UBR3: variants seen among roughly 807,000 people sequenced by gnomAD.
UBR3 encodes the protein E3 ubiquitin-protein ligase UBR3.
A neutral mutation model predicts 243.2 loss-of-function variants in UBR3; 85 were observed. That is an observed-to-expected ratio of 0.35 (90% CI 0.29 to 0.42). The LOEUF (loss-of-function observed/expected upper bound fraction) is 0.42. Ranked by LOEUF, UBR3 falls within the 10% of genes least tolerant of loss-of-function variation. UBR3 has a pLI of 1.00. For synonymous variants in UBR3, 748 were observed against 799.8 expected (o/e 0.94, Z 1.09); for missense variants, 1,686 against 2,300.8 (o/e 0.73, Z 5.47).
intron 1 of UBR3, among the ~76,000 whole-genome samples, chr2:169,855,558 G>A (rs1215343366): frequency 6.6e-6 from 1 of 151,968 alleles, no homozygotes; most frequent in Non-Finnish European, 1.5e-5. Flanking sequence ...GACTCTTAAC[G>A]AGCATGCTGC....
At chr2:169,946,864 G>A (rs1274804856) in intron 21 of UBR3, among the ~76,000 whole-genome samples, 2 of 152,024 alleles carry the variant, frequency 1.3e-5, no homozygotes, top group Non-Finnish European at 2.9e-5. Context: ...TTCCTGTAAA[G>A]GTTTGAAGGT....
intron 26 of UBR3, among the ~76,000 whole-genome samples, chr2:169,998,689 T>C (rs2089585339): frequency 1.3e-5 from 2 of 152,226 alleles, no homozygotes; most frequent in Admixed American, 1.3e-4. Context: ...AGGATTAAAC[T>C]GTAGATTCTA....
intron 24 of UBR3, among the ~76,000 whole-genome samples, chr2:169,981,018 G>T (rs1403171018): frequency 6.6e-6 from 1 of 151,938 alleles, no homozygotes; most frequent in Non-Finnish European, 1.5e-5. Flanking sequence ...GTTTCCAGTG[G>T]CCAAAGCTGG....
At chr2:169,856,919 T>C (rs1574058385) in intron 1 of UBR3, among the ~76,000 whole-genome samples, 2 of 152,208 alleles carry the variant, frequency 1.3e-5, no homozygotes, top group South Asian at 2.1e-4. Flanking sequence ...TTTGCAAATA[T>C]GATAGGTAGA....
At chr2:170,017,698 A>C (rs1002415627) in intron 30 of UBR3, among the ~76,000 whole-genome samples, 22 of 152,154 alleles carry the variant, frequency 1.4e-4, no homozygotes, top group Non-Finnish European at 3.2e-4. Flanking sequence ...CTACATCTTC[A>C]AACATTTTTA....
At chr2:170,078,343 C>T (rs2091852540) in intron 36 of UBR3, 2 of 262,300 alleles carry the variant, frequency 7.6e-6, no homozygotes, top group Non-Finnish European at 7.3e-6. Context: ...ATTTTTGGGT[C>T]TCAGAGACCC....
rs934686605 is a variant in UBR3 at position 169,861,249 on chromosome 2, A to G, written c.546-10987A>G. Among the ~76,000 whole-genome samples, 5 of 152,224 alleles carry G rather than the reference A, an allele frequency of 3.3e-5. No homozygotes were observed. The East Asian group carries it at 5.8e-4, about 18-fold the overall frequency. ...TCGTATCCAATCAAGTTGACAGTCA[A>G]TATTAACCATCACAAACTCTTTGAC... On this transcript the variant is annotated intron_variant, in intron 1 of 38. Coordinates refer to ENST00000272793, the MANE Select transcript of UBR3 (RefSeq NM_172070.4).
chr2:169,921,110 G>A (rs1882376), intron 11 of UBR3, among the ~76,000 whole-genome samples: 64,390 of 152,034 alleles, frequency 0.42, 15,234 homozygotes, highest in Non-Finnish European at 0.54. Context: ...GTGAGAAGGA[G>A]GAAGTCTACA....
intron 8 of UBR3, among the ~76,000 whole-genome samples, chr2:169,900,318 C>T (rs1259495782): frequency 2.0e-5 from 3 of 152,152 alleles, no homozygotes; most frequent in Non-Finnish European, 4.4e-5. Flanking sequence ...CTGTTCATGT[C>T]CTTCACCCAC....
At chr2:170,033,777 T>C (rs1392609107) in intron 31 of UBR3, among the ~76,000 whole-genome samples, 1 of 151,746 alleles carries the variant, frequency 6.6e-6, no homozygotes, top group Non-Finnish European at 1.5e-5. Flanking sequence ...TTTTCATATA[T>C]ACTTTTTTCT....
chr2:169,842,344 A>G (rs1273689131), intron 1 of UBR3, among the ~76,000 whole-genome samples: 1 of 152,150 alleles, frequency 6.6e-6, no homozygotes, highest in African/African-American at 2.4e-5. Flanking sequence ...AAACGCACCA[A>G]TCAGCGCCCT....
At chr2:170,027,179 AAATTT>A (rs1234533513) in intron 30 of UBR3, among the ~76,000 whole-genome samples, 1 of 151,740 alleles carries the variant, frequency 6.6e-6, no homozygotes, top group African/African-American at 2.4e-5. Flanking sequence ...TGGCAATATT[AAATTT>A]ATTTCATATT....
intron 31 of UBR3, among the ~76,000 whole-genome samples, chr2:170,040,669 T>G (rs2090945067): frequency 6.6e-6 from 1 of 152,316 alleles, no homozygotes; most frequent in East Asian, 1.9e-4. Context: ...ACAACACATT[T>G]TCTATACATT....
chr2:169,832,069 C>G (rs2081958114), intron 1 of UBR3, among the ~76,000 whole-genome samples: 1 of 152,170 alleles, frequency 6.6e-6, no homozygotes, highest in African/African-American at 2.4e-5. Flanking sequence ...GAATCTATCA[C>G]AGCTGTATTT....
rs767026112 is a variant in UBR3, at chr2:170,081,880, G to A, written c.*37G>A. 12 of 1,345,554 alleles carry A rather than the reference G, an allele frequency of 8.9e-6. 1 individual carries two copies. The highest frequency in any genetic ancestry group is 6.3e-5 in the South Asian group (4 of 63,758). 83.4% of individuals were successfully genotyped at this position (1,345,554 alleles called of 1,614,324 possible). A position where few individuals can be genotyped will look rare whatever the true frequency, so the allele number is the denominator to read the frequency against. On this transcript the variant is annotated 3_prime_UTR_variant, in exon 39 of 39. Transcript: ENST00000272793. ...AGCATTGCATCGTATCATCATTTTCGCTACGAATTTATTTTTCAACAATAA... is the reference window on the plus strand; with the variant it reads ...AGCATTGCATCGTATCATCATTTTCACTACGAATTTATTTTTCAACAATAA...
Position 170,081,886 on chromosome 2 carries a change from AAT to A in UBR3, c.*44_*45del. Reference sequence around the variant, plus strand: ...GCATCGTATCATCATTTTCGCTACGAATTTATTTTTCAACAATAAGCTTTAAC... The same window carrying A: ...GCATCGTATCATCATTTTCGCTACGATTATTTTTCAACAATAAGCTTTAAC... On this transcript the variant is annotated 3_prime_UTR_variant, in exon 39 of 39. Coordinates refer to ENST00000272793, the MANE Select transcript of UBR3 (RefSeq NM_172070.4). 7.5e-7 allele frequency: 1 copy of A among 1,331,296 alleles called. No individual in the cohort carries two copies. The highest frequency in any genetic ancestry group is 1.6e-5 in the South Asian group (1 of 62,320). The allele number at this position is 1,331,296 out of a possible 1,614,324, so 82.5% of individuals were successfully genotyped here. A position where few individuals can be genotyped will look rare whatever the true frequency, so the allele number is the denominator to read the frequency against.
chr2:169,851,334 A>G (rs762829078), intron 1 of UBR3, among the ~76,000 whole-genome samples: 1 of 152,158 alleles, frequency 6.6e-6, no homozygotes, highest in Non-Finnish European at 1.5e-5. Context: ...CATGTTGCCT[A>G]GATTGGTCTC....
At chr2:169,934,614 G>A (rs2086255935) in intron 19 of UBR3, among the ~76,000 whole-genome samples, 1 of 152,108 alleles carries the variant, frequency 6.6e-6, no homozygotes, top group African/African-American at 2.4e-5. Flanking sequence ...TATACTGGGA[G>A]GGATCTTTTC....
At chr2:169,834,265 T>A (rs773134051) in intron 1 of UBR3, among the ~76,000 whole-genome samples, 18 of 152,232 alleles carry the variant, frequency 1.2e-4, no homozygotes, top group Non-Finnish European at 1.5e-4. Context: ...TAAATAGTAT[T>A]TCATTGTATT....
Sources: gnomAD v4.1 joint callset for allele counts (sites outside exome capture counted in the v4.1 genomes callset) on GRCh38, gnomAD v4.1.1 for gene constraint, MANE v1.5 for transcripts, NCBI Gene and HGNC (gene_info 2026-07-23, HGNC 2026-07-21) for gene names.